SPATS2: variants seen among roughly 807,000 people sequenced by gnomAD.
SPATS2 encodes the protein spermatogenesis associated serine rich 2.
In SPATS2, 38 loss-of-function variants were observed where a neutral mutation model predicts 63.7. The ratio of observed to expected loss-of-function variants is 0.60; its 90% confidence interval spans 0.46 to 0.78. The LOEUF (loss-of-function observed/expected upper bound fraction) is 0.78. Ranked by LOEUF, SPATS2 falls within the 30% of genes least tolerant of loss-of-function variation. The pLI, the probability that SPATS2 is intolerant of heterozygous loss-of-function variation, is 0.00. For missense variants in SPATS2, 588 were observed against 666.2 expected, an observed-to-expected ratio of 0.88 and a Z score of 1.29; for synonymous variants, 207 against 232.9, an observed-to-expected ratio of 0.89 and a Z score of 1.01.
chr12:49,406,485 A>C (rs931296447), intron 2 of SPATS2: 4 of 152,162 alleles, frequency 2.6e-5, no homozygotes, highest in African/African-American at 7.3e-5. Flanking sequence ...ATGGAGTCTC[A>C]CTATGGTGCC....
At chr12:49,377,710 A>T (rs141315763) in intron 2 of SPATS2, among the ~76,000 whole-genome samples, 1 of 152,200 alleles carries the variant, frequency 6.6e-6, no homozygotes, top group Admixed American at 6.6e-5. Context: ...TAATATGATC[A>T]GGCCAATATT....
chr12:49,423,850 C>T (rs118166638), intron 2 of SPATS2, among the ~76,000 whole-genome samples: 1,596 of 152,086 alleles, frequency 0.01, 16 homozygotes, highest in Middle Eastern at 0.02. Flanking sequence ...TATTATGTTA[C>T]GGAGAAAAGT....
At chr12:49,517,061 T>C (rs1946863081) in intron 10 of SPATS2, among the ~76,000 whole-genome samples, 1 of 152,216 alleles carries the variant, frequency 6.6e-6, no homozygotes, top group East Asian at 1.9e-4. Flanking sequence ...GTCCTATGAG[T>C]TATCTGTTAC....
At chr12:49,402,961 G>A (rs1022829762) in intron 2 of SPATS2, among the ~76,000 whole-genome samples, 2 of 152,126 alleles carry the variant, frequency 1.3e-5, no homozygotes, top group African/African-American at 4.8e-5. Flanking sequence ...ATTCAGACAA[G>A]AGGTTTAAGA....
chr12:49,374,616 A>C (rs1410669930), intron 2 of SPATS2, among the ~76,000 whole-genome samples: 1 of 152,130 alleles, frequency 6.6e-6, no homozygotes. Context: ...TATAGATGTT[A>C]CTTAAAGGTA....
At chr12:49,402,068 T>C (rs1944614977) in intron 2 of SPATS2, among the ~76,000 whole-genome samples, 1 of 152,170 alleles carries the variant, frequency 6.6e-6, no homozygotes, top group African/African-American at 2.4e-5. Flanking sequence ...CCTTGACCTC[T>C]TGGGCTCAGT....
chr12:49,399,177 C>G (rs1488533932), intron 2 of SPATS2, among the ~76,000 whole-genome samples: 1 of 148,776 alleles, frequency 6.7e-6, no homozygotes, highest in Non-Finnish European at 1.5e-5. Context: ...CTTTGGTTTT[C>G]AGGGTTCATT....
intron 3 of SPATS2, among the ~76,000 whole-genome samples, chr12:49,473,350 AG>A (rs1946070248): frequency 6.6e-6 from 1 of 152,182 alleles, no homozygotes; most frequent in Non-Finnish European, 1.5e-5. Flanking sequence ...CAAGAGGTGG[AG>A]GTTGCAGTGA....
chr12:49,494,182 T>G (rs1327027994), intron 6 of SPATS2, among the ~76,000 whole-genome samples: 1 of 152,250 alleles, frequency 6.6e-6, no homozygotes, highest in Admixed American at 6.5e-5. Context: ...AGTACCACTT[T>G]GAACTCCCAG....
intron 2 of SPATS2, among the ~76,000 whole-genome samples, chr12:49,406,983 A>G (rs1944708741): frequency 6.6e-6 from 1 of 152,224 alleles, no homozygotes; most frequent in Non-Finnish European, 1.5e-5. Flanking sequence ...TGGATATAAT[A>G]GGCATCTCAC....
At position 49,526,261 on chromosome 12, in the gene SPATS2, A is replaced by T. The variant is rs1381863559; in HGVS notation, c.*6A>T. The T allele has an allele frequency of 3.1e-6, 5 of 1,596,752 alleles. No homozygotes were observed. ...CTGAAGCCGTGAACTCTTGAGAGAA[A>T]ATCCAGTTGGCCTCTCTCCTCTATC... On this transcript the variant is annotated 3_prime_UTR_variant, in exon 14 of 14. Coordinates refer to ENST00000552918, the MANE Select transcript of SPATS2 (RefSeq NM_023071.4).
At chr12:49,420,193 C>T (rs1287236255) in intron 2 of SPATS2, among the ~76,000 whole-genome samples, 2 of 152,298 alleles carry the variant, frequency 1.3e-5, no homozygotes, top group Admixed American at 1.3e-4. Flanking sequence ...TTCCCTTGAG[C>T]TTTGAGCTTT....
chr12:49,391,695 G>A (rs1334715543), intron 2 of SPATS2, among the ~76,000 whole-genome samples: 1 of 152,016 alleles, frequency 6.6e-6, no homozygotes, highest in Admixed American at 6.6e-5. Flanking sequence ...CATTTATATT[G>A]AAGGCATATT....
chr12:49,386,328 T>C (rs1186051467), intron 2 of SPATS2, among the ~76,000 whole-genome samples: 1 of 151,530 alleles, frequency 6.6e-6, no homozygotes, highest in Non-Finnish European at 1.5e-5. Flanking sequence ...CATGCCCAAC[T>C]AATTTTTGTA....
At chr12:49,476,268 C>T (rs572290318) in intron 3 of SPATS2, among the ~76,000 whole-genome samples, 4 of 152,154 alleles carry the variant, frequency 2.6e-5, no homozygotes, top group East Asian at 3.9e-4. Flanking sequence ...GGTCACCAAC[C>T]GGCAGAATGA....
chr12:49,499,644 T>G (rs550021026), intron 8 of SPATS2, among the ~76,000 whole-genome samples: 180 of 152,254 alleles, frequency 1.2e-3, no homozygotes, highest in African/African-American at 4.3e-3. Flanking sequence ...ATTCCCAACT[T>G]TGTCCCTTCA....
At chr12:49,500,049 A>G (rs770090806) in intron 8 of SPATS2, 21 bp from the exon 9 acceptor site, 19 of 1,353,382 alleles carry the variant, frequency 1.4e-5, no homozygotes, top group Admixed American at 3.4e-5. Flanking sequence ...TTTTTTTAAT[A>G]TTTCGGTTTT....
intron 3 of SPATS2, among the ~76,000 whole-genome samples, chr12:49,480,331 A>G (rs1252082435): frequency 6.6e-6 from 1 of 152,208 alleles, no homozygotes; most frequent in Non-Finnish European, 1.5e-5. Flanking sequence ...TAGCTCTGCC[A>G]TACCTCTTTA....
At chr12:49,498,341 A>C (rs1452398778) in intron 8 of SPATS2, among the ~76,000 whole-genome samples, 1 of 152,010 alleles carries the variant, frequency 6.6e-6, no homozygotes, top group Non-Finnish European at 1.5e-5. Context: ...TGGTGAATAT[A>C]GAAAGGTAAA....
Sources: allele counts gnomAD v4.1 joint callset (sites outside exome capture counted in the v4.1 genomes callset), GRCh38; gene constraint gnomAD v4.1.1; transcripts MANE v1.5; gene names NCBI Gene and HGNC (gene_info 2026-07-23, HGNC 2026-07-21).